NRXN1: variants seen among roughly 807,000 people sequenced by gnomAD.
The protein encoded by NRXN1 is neurexin-1.
NRXN1 carries 39 observed loss-of-function variants against 150.9 expected under a neutral mutation model. The observed-to-expected ratio is 0.26, with a 90% CI of 0.20 to 0.34. The LOEUF (loss-of-function observed/expected upper bound fraction) is 0.34. Ranked by LOEUF, NRXN1 falls within the 10% of genes least tolerant of loss-of-function variation. NRXN1 has a pLI of 1.00. For missense variants in NRXN1, 1,815 were observed against 1,949.9 expected, an observed-to-expected ratio of 0.93 and a Z score of 1.30; for synonymous variants, 924 against 757.0, an observed-to-expected ratio of 1.22 and a Z score of -3.62.
chr2:50,156,057 G>C (rs1025266546), intron 18 of NRXN1, among the ~76,000 whole-genome samples: 46 of 151,556 alleles, frequency 3.0e-4, no homozygotes, highest in Non-Finnish European at 1.3e-4. Context: ...TTTATCTCTG[G>C]ATGGTGAGAT....
chr2:51,026,712 T>G (rs1045713502), intron 2 of NRXN1, among the ~76,000 whole-genome samples: 3 of 152,238 alleles, frequency 2.0e-5, no homozygotes, highest in African/African-American at 7.2e-5. Context: ...TATAAGGCAT[T>G]TGTTAATTAA....
chr2:49,924,899 T>G (rs1367354735), intron 22 of NRXN1, among the ~76,000 whole-genome samples: 2 of 152,224 alleles, frequency 1.3e-5, no homozygotes, highest in Admixed American at 1.3e-4. Context: ...AGGTAGTTAC[T>G]CCAATATCTA....
At chr2:50,180,570 G>C (rs572191168) in intron 18 of NRXN1, among the ~76,000 whole-genome samples, 1 of 152,090 alleles carries the variant, frequency 6.6e-6, no homozygotes, top group East Asian at 1.9e-4. Flanking sequence ...AAAGAGCTTT[G>C]GGGAGAAGGG....
At chr2:50,500,193 G>C (rs951016391) in intron 13 of NRXN1, among the ~76,000 whole-genome samples, 1 of 151,976 alleles carries the variant, frequency 6.6e-6, no homozygotes, top group African/African-American at 2.4e-5. Flanking sequence ...TCTAAAAGAG[G>C]AAAGACCAGT....
intron 11 of NRXN1, among the ~76,000 whole-genome samples, chr2:50,529,681 C>T (rs1021151051): frequency 6.6e-6 from 1 of 152,168 alleles, no homozygotes; most frequent in Non-Finnish European, 1.5e-5. Context: ...CACCTACACA[C>T]CTCTTTCTAC....
chr2:50,414,787 T>C (rs2083424704), intron 17 of NRXN1, among the ~76,000 whole-genome samples: 1 of 152,168 alleles, frequency 6.6e-6, no homozygotes, highest in Non-Finnish European at 1.5e-5. Flanking sequence ...ATTTCTATAT[T>C]AATTTTAAAG....
intron 17 of NRXN1, among the ~76,000 whole-genome samples, chr2:50,329,317 T>C (rs558530585): frequency 3.3e-3 from 500 of 151,848 alleles, no homozygotes; most frequent in Non-Finnish European, 6.0e-3. Flanking sequence ...TCAAACGCAG[T>C]AGAAGTTAAA....
At chr2:50,002,474 A>G (rs1433019694) in intron 21 of NRXN1, among the ~76,000 whole-genome samples, 4 of 152,140 alleles carry the variant, frequency 2.6e-5, no homozygotes, top group Non-Finnish European at 5.9e-5. Context: ...CATGAATGGC[A>G]AGAATATTAG....
At chr2:50,362,919 G>A (rs2079324746) in intron 17 of NRXN1, among the ~76,000 whole-genome samples, 2 of 151,924 alleles carry the variant, frequency 1.3e-5, no homozygotes, top group Non-Finnish European at 2.9e-5. Context: ...TAGAATAGAG[G>A]CCTCAGAAAT....
intron 8 of NRXN1, among the ~76,000 whole-genome samples, chr2:50,563,253 C>T (rs779856685): frequency 5.6e-4 from 85 of 152,284 alleles, no homozygotes; most frequent in Non-Finnish European, 1.0e-3. Flanking sequence ...GAATTACATT[C>T]CTATTATTAC....
At chr2:50,922,554 A>G in intron 4 of NRXN1, 104 bp downstream of exon 4, 2 of 998,520 alleles carry the variant, frequency 2.0e-6, no homozygotes, top group Non-Finnish European at 3.1e-6. Context: ...ATTTGCAGCC[A>G]TATAATTTGC....
At chr2:50,594,935 T>A (rs1001951300) in intron 8 of NRXN1, among the ~76,000 whole-genome samples, 1 of 151,956 alleles carries the variant, frequency 6.6e-6, no homozygotes, top group African/African-American at 2.4e-5. Flanking sequence ...TTGTGTCTTT[T>A]GTCCACGGTA....
chr2:50,559,517 TAAAC>T (rs1668741288), intron 8 of NRXN1, among the ~76,000 whole-genome samples: 1 of 152,100 alleles, frequency 6.6e-6, no homozygotes, highest in Non-Finnish European at 1.5e-5. Context: ...ACACTGAAAA[TAAAC>T]TAATTTAATA....
intron 17 of NRXN1, among the ~76,000 whole-genome samples, chr2:50,384,578 T>G (rs1016430775): frequency 6.6e-6 from 1 of 151,552 alleles, no homozygotes; most frequent in African/African-American, 2.4e-5. Flanking sequence ...CAGTTTCAGT[T>G]GCTGATTGTC....
At position 50,283,277 on chromosome 2, in the gene NRXN1, G is replaced by A. The variant is rs190466208; in HGVS notation, c.3365-46307C>T. Reference sequence around the variant, plus strand: ...TTATTAGCCTCCAACTTTTTAAGATGTACTAAAAAGACAATAATCTTTCTT... The same window carrying A: ...TTATTAGCCTCCAACTTTTTAAGATATACTAAAAAGACAATAATCTTTCTT... On this transcript the variant is annotated intron_variant, in intron 17 of 22. Transcript: ENST00000401669. Among the ~76,000 whole-genome samples, 16 of 152,228 alleles carry A rather than the reference G, an allele frequency of 1.1e-4. No homozygotes were observed. In the East Asian group the frequency reaches 2.9e-3, roughly 28 times the overall value.
At chr2:50,180,754 T>C (rs560690011) in intron 18 of NRXN1, among the ~76,000 whole-genome samples, 1 of 152,288 alleles carries the variant, frequency 6.6e-6, no homozygotes, top group African/African-American at 2.4e-5. Context: ...AATAATTCTA[T>C]TCTTTATAAA....
intron 5 of NRXN1, among the ~76,000 whole-genome samples, chr2:50,721,479 T>C (rs1696649283): frequency 6.6e-6 from 1 of 152,148 alleles, no homozygotes; most frequent in Non-Finnish European, 1.5e-5. Flanking sequence ...TTTATAGTTA[T>C]TAAAAGAAGG....
At chr2:50,155,818 C>G (rs2058983796) in intron 18 of NRXN1, among the ~76,000 whole-genome samples, 1 of 150,992 alleles carries the variant, frequency 6.6e-6, no homozygotes, top group Non-Finnish European at 1.5e-5. Flanking sequence ...AAATGATGGC[C>G]AAAGTTTTCA....
chr2:49,968,434 A>G (rs1259403130), intron 21 of NRXN1, among the ~76,000 whole-genome samples: 1 of 152,084 alleles, frequency 6.6e-6, no homozygotes, highest in African/African-American at 2.4e-5. Context: ...ACCGGCTTTT[A>G]AGAAATCAGT....
Sources: allele counts gnomAD v4.1 joint callset (sites outside exome capture counted in the v4.1 genomes callset), GRCh38; gene constraint gnomAD v4.1.1; transcripts MANE v1.5; gene names NCBI Gene and HGNC (gene_info 2026-07-23, HGNC 2026-07-21).